The following RBFOX3 variants were observed in gnomAD, a reference collection of about 807,000 sequenced individuals.
RBFOX3 encodes the protein RNA binding fox-1 homolog 3, also known as RNA binding protein fox-1 homolog 3.
A neutral mutation model predicts 48.7 loss-of-function variants in RBFOX3; 17 were observed. The observed-to-expected ratio is 0.35, with a 90% CI of 0.24 to 0.52. The LOEUF is 0.52. Ranked by LOEUF, RBFOX3 falls within the 20% of genes least tolerant of loss-of-function variation. The probability of loss-of-function intolerance (pLI) is 0.94; values close to 1 mark genes in which losing one functional copy is unlikely to be tolerated. For synonymous variants in RBFOX3, 212 were observed against 209.5 expected (o/e 1.01, Z -0.10); for missense variants, 382 against 497.5 (o/e 0.77, Z 2.21).
intron 2 of RBFOX3, among the ~76,000 whole-genome samples, chr17:79,347,424 T>C (rs1038595663): frequency 1.3e-5 from 2 of 152,176 alleles, no homozygotes; most frequent in African/African-American, 4.8e-5. Flanking sequence ...ATTTTCTTCA[T>C]ATATGTCCTC....
At position 79,525,990 on chromosome 17, in the gene RBFOX3, C is replaced by T. The variant is rs982391021; in HGVS notation, c.-319-43392G>A. ...CCCCCGACGGCCATTGGCTCTGCTG[C>T]GGCTCAAAGGTTTGCCTCCAGGCTG... is the stretch of plus-strand genomic sequence containing the variant. On this transcript the variant is annotated intron_variant, in intron 1 of 14. Coordinates refer to ENST00000693108, the MANE Select transcript of RBFOX3 (RefSeq NM_001350451.2). Among the ~76,000 whole-genome samples, 421 of 152,284 alleles carry T rather than the reference C, an allele frequency of 2.8e-3. 3 individuals are homozygous for T. The highest frequency in any genetic ancestry group is 9.3e-3 in the African/African-American group (385 of 41,562).
chr17:79,325,761 A>G (rs1317527007), intron 2 of RBFOX3, among the ~76,000 whole-genome samples: 2 of 152,060 alleles, frequency 1.3e-5, no homozygotes, highest in African/African-American at 4.8e-5. Flanking sequence ...AACCTCTTGG[A>G]TATTTATCGT....
At chr17:79,472,414 C>T (rs1022044195) in intron 2 of RBFOX3, among the ~76,000 whole-genome samples, 8 of 152,108 alleles carry the variant, frequency 5.3e-5, no homozygotes, top group Non-Finnish European at 1.2e-4. Context: ...TAGATGTGAC[C>T]GTATTTGGAG....
chr17:79,428,172 C>G (rs1012474243), intron 2 of RBFOX3, among the ~76,000 whole-genome samples: 1 of 152,266 alleles, frequency 6.6e-6, no homozygotes, highest in Non-Finnish European at 1.5e-5. Flanking sequence ...CTTGAAGGTG[C>G]CTGGTGCACT....
chr17:79,286,034 A>G (rs73408772), intron 3 of RBFOX3, among the ~76,000 whole-genome samples: 8,183 of 152,242 alleles, frequency 0.054, 753 homozygotes, highest in African/African-American at 0.19. Context: ...CAGAAAGTCA[A>G]TGGGCAGAAT....
At chr17:79,538,328 A>G (rs1231777779) in intron 1 of RBFOX3, among the ~76,000 whole-genome samples, 1 of 152,214 alleles carries the variant, frequency 6.6e-6, no homozygotes, top group Non-Finnish European at 1.5e-5. Flanking sequence ...AAATGAATGA[A>G]TGCACAGGTG....
rs558125766 is a variant in RBFOX3, at chr17:79,470,820, C to T, written c.-175+11634G>A. On this transcript the variant is annotated intron_variant, in intron 2 of 14. Coordinates refer to ENST00000693108, the MANE Select transcript of RBFOX3 (RefSeq NM_001350451.2). ...GAAATGTCATCCTTTCTCTGGACCCCTTCTGGCAACACACGCCCAGTCCCT... is the reference window on the plus strand; with the variant it reads ...GAAATGTCATCCTTTCTCTGGACCCTTTCTGGCAACACACGCCCAGTCCCT... Among the ~76,000 whole-genome samples, 5 of 152,320 alleles carry T rather than the reference C, an allele frequency of 3.3e-5. No homozygotes were observed. The East Asian group carries it at 5.8e-4, about 18-fold the overall frequency.
chr17:79,483,665 T>A (rs772487638), intron 1 of RBFOX3, among the ~76,000 whole-genome samples: 2 of 151,686 alleles, frequency 1.3e-5, no homozygotes, highest in African/African-American at 2.4e-5. Context: ...TCCACTGGAA[T>A]GCAGGCTCCC....
chr17:79,183,688 G>A (rs769642199), intron 4 of RBFOX3, among the ~76,000 whole-genome samples: 9 of 152,180 alleles, frequency 5.9e-5, no homozygotes. Flanking sequence ...TGTCTGCAAA[G>A]AGTGGTGCGT....
intron 1 of RBFOX3, among the ~76,000 whole-genome samples, chr17:79,591,097 C>G (rs2093403471): frequency 2.0e-5 from 3 of 152,224 alleles, no homozygotes; most frequent in Non-Finnish European, 4.4e-5. Flanking sequence ...AGCCTGCTCA[C>G]TGTTCCAGAA....
intron 2 of RBFOX3, among the ~76,000 whole-genome samples, chr17:79,397,601 A>G (rs2062182869): frequency 6.6e-6 from 1 of 152,084 alleles, no homozygotes; most frequent in Non-Finnish European, 1.5e-5. Context: ...GGCAGATTTA[A>G]GCTTCGGGCC....
chr17:79,092,459 A>G, intron 14 of RBFOX3: 2 of 985,768 alleles, frequency 2.0e-6, no homozygotes, highest in Non-Finnish European at 2.4e-6. Flanking sequence ...TAGATTTTAG[A>G]GTTGCAGGGG....
At position 79,321,681 on chromosome 17, in the gene RBFOX3, C is replaced by T. The variant is rs191700735; in HGVS notation, c.-174-13857G>A. Among the ~76,000 whole-genome samples, 214 of 148,196 alleles carry T rather than the reference C, an allele frequency of 1.4e-3. 1 individual carries two copies. Among genetic ancestry groups the T allele is most frequent in the African/African-American group, 4.3e-3 (175 of 40,278 alleles). Reference sequence around the variant, plus strand: ...ACAGGATGCCAAAGAGCTGGAATTGCGAGCCGGGCTTTCAGGAATCTGGCT... The same window carrying T: ...ACAGGATGCCAAAGAGCTGGAATTGTGAGCCGGGCTTTCAGGAATCTGGCT... On this transcript the variant is annotated intron_variant, in intron 2 of 14. Coordinates refer to ENST00000693108, the MANE Select transcript of RBFOX3 (RefSeq NM_001350451.2).
chr17:79,603,409 G>C (rs943154872), intron 1 of RBFOX3, among the ~76,000 whole-genome samples: 3 of 152,278 alleles, frequency 2.0e-5, no homozygotes, highest in Admixed American at 1.3e-4. Context: ...GCCTGACCCG[G>C]GTAACAACTG....
chr17:79,450,982 A>T (rs2073376732), intron 2 of RBFOX3, among the ~76,000 whole-genome samples: 1 of 152,218 alleles, frequency 6.6e-6, no homozygotes, highest in Non-Finnish European at 1.5e-5. Flanking sequence ...CTTCAATTAG[A>T]AGGGGGTGCA....
chr17:79,124,422 C>T (rs1216362038), intron 4 of RBFOX3, among the ~76,000 whole-genome samples: 1 of 152,250 alleles, frequency 6.6e-6, no homozygotes, highest in African/African-American at 2.4e-5. Flanking sequence ...ATTCAAGCAA[C>T]AGTTATGGAG....
intron 1 of RBFOX3, among the ~76,000 whole-genome samples, chr17:79,531,679 C>A (rs1028494922): frequency 5.3e-5 from 8 of 152,184 alleles, no homozygotes; most frequent in Non-Finnish European, 1.2e-4. Flanking sequence ...CTCCTTCTCA[C>A]ATTTAGCTAA....
intron 2 of RBFOX3, among the ~76,000 whole-genome samples, chr17:79,470,873 C>T (rs1407455134): frequency 6.6e-6 from 1 of 152,200 alleles, no homozygotes; most frequent in Non-Finnish European, 1.5e-5. Context: ...TATTTCCTCT[C>T]TTCTGGAGTC....
intron 2 of RBFOX3, among the ~76,000 whole-genome samples, chr17:79,446,677 C>T (rs2072370429): frequency 6.6e-6 from 1 of 152,230 alleles, no homozygotes; most frequent in South Asian, 2.1e-4. Flanking sequence ...TAACCTGTCT[C>T]TTAATTTGCA....
Sources: gnomAD v4.1 joint callset for allele counts (sites outside exome capture counted in the v4.1 genomes callset) on GRCh38, gnomAD v4.1.1 for gene constraint, MANE v1.5 for transcripts, NCBI Gene and HGNC (gene_info 2026-07-23, HGNC 2026-07-21) for gene names.